The following RNGTT variants were observed in gnomAD, a reference collection of about 807,000 sequenced individuals.
RNGTT encodes the protein mRNA-capping enzyme.
Under a neutral mutation model 79.3 loss-of-function variants are expected in RNGTT, and 33 were observed. The ratio of observed to expected loss-of-function variants is 0.42; its 90% CI spans 0.32 to 0.56. The LOEUF (loss-of-function observed/expected upper bound fraction) is 0.56. RNGTT is among the 20% of genes least tolerant of loss of function. The pLI, the probability that RNGTT is intolerant of heterozygous loss-of-function variation, is 0.17. For synonymous variants in RNGTT, 222 were observed against 235.9 expected (o/e 0.94, Z 0.54); for missense variants, 497 against 739.1 (o/e 0.67, Z 3.80).
intron 14 of RNGTT, among the ~76,000 whole-genome samples, chr6:88,640,370 C>T (rs541184290): frequency 9.7e-5 from 14 of 143,938 alleles, no homozygotes; most frequent in Middle Eastern, 3.6e-3. Context: ...GGCAGCATAC[C>T]GAGACCCTGT....
chr6:88,868,846 A>G (rs1782263192), intron 8 of RNGTT, among the ~76,000 whole-genome samples: 1 of 152,206 alleles, frequency 6.6e-6, no homozygotes, highest in Non-Finnish European at 1.5e-5. Context: ...AGCAAGCACC[A>G]TCTTTTTCAT....
chr6:88,957,710 A>C (rs1333113205), intron 1 of RNGTT, among the ~76,000 whole-genome samples: 1 of 152,202 alleles, frequency 6.6e-6, no homozygotes, highest in Non-Finnish European at 1.5e-5. Context: ...ACTACAAAAC[A>C]CTACTGAAAT....
At chr6:88,870,501 C>G (rs1415262805) in intron 8 of RNGTT, among the ~76,000 whole-genome samples, 1 of 137,858 alleles carries the variant, frequency 7.3e-6, no homozygotes, top group South Asian at 2.3e-4. Context: ...GCTCCCAACA[C>G]AATTAAGAGC....
chr6:88,771,315 G>GTGTGTGTGTATA (rs1303688973), intron 12 of RNGTT, among the ~76,000 whole-genome samples: 105 of 62,030 alleles, frequency 1.7e-3, no homozygotes, highest in Non-Finnish European at 2.5e-3. Context: ...GTGTGTGTGT[G>GTGTGTGTGTATA]TATATATATA....
At chr6:88,918,928 A>G (rs1323377536) in intron 4 of RNGTT, among the ~76,000 whole-genome samples, 1 of 152,226 alleles carries the variant, frequency 6.6e-6, no homozygotes, top group Non-Finnish European at 1.5e-5. Flanking sequence ...AAATGTAATA[A>G]TAATTGCCAA....
At chr6:88,713,293 T>A (rs933298294) in intron 13 of RNGTT, among the ~76,000 whole-genome samples, 1 of 149,306 alleles carries the variant, frequency 6.7e-6, no homozygotes, top group East Asian at 1.9e-4. Flanking sequence ...AACCTGACCA[T>A]GCTGGCACCC....
chr6:88,918,982 C>T (rs2127949261), intron 4 of RNGTT, among the ~76,000 whole-genome samples: 1 of 152,216 alleles, frequency 6.6e-6, no homozygotes, highest in East Asian at 1.9e-4. Context: ...AGGAAAGTAC[C>T]ATTTTCCTTT....
At position 88,642,434 on chromosome 6, in the gene RNGTT, A is replaced by G. The variant is rs1707505965; in HGVS notation, c.1507-28039T>C. ...ACATAAATGCTTGCTTTAAAAAGCT[A>G]CAGGGAAAATACTTCATTAAATGAT... is the stretch of plus-strand genomic sequence containing the variant. On this transcript the variant is annotated intron_variant, in intron 14 of 15. Transcript: ENST00000369485. Among the ~76,000 whole-genome samples, 4 of 152,220 alleles carry G rather than the reference A, an allele frequency of 2.6e-5. No individual in the cohort carries two copies. In the South Asian group the frequency reaches 8.3e-4, roughly 31 times the overall value.
intron 10 of RNGTT, among the ~76,000 whole-genome samples, chr6:88,849,051 C>G (rs988828411): frequency 6.6e-6 from 1 of 151,926 alleles, no homozygotes. Context: ...GTAAAGGAGA[C>G]AGAACTTCCC....
At chr6:88,865,158 A>C (rs1287766733) in intron 8 of RNGTT, among the ~76,000 whole-genome samples, 2 of 152,114 alleles carry the variant, frequency 1.3e-5, no homozygotes, top group African/African-American at 2.4e-5. Flanking sequence ...AAAAGATACT[A>C]GAACAGTGAT....
rs796368449 is a variant in RNGTT at position 88,900,755 on chromosome 6, T to TAA, written c.684+3958_684+3959dup. Among the ~76,000 whole-genome samples the TAA allele has an allele frequency of 2.7e-3, 163 of 61,096 alleles. 4 individuals carry two copies. Among genetic ancestry groups the TAA allele is most frequent in the African/African-American group, 8.0e-3 (154 of 19,158 alleles). The allele number at this position is 61,096 out of a possible 152,430, so 40.1% of individuals were successfully genotyped here. On this transcript the variant is annotated intron_variant, in intron 6 of 15. Coordinates refer to ENST00000369485, the MANE Select transcript of RNGTT (RefSeq NM_003800.5). ...TCTCAAAAAAAATAAATAAAAAGAA[T>TAA]AAAAAAAAAAAACAAGAAAATATCC...
At chr6:88,883,309 T>C (rs902265458) in intron 8 of RNGTT, among the ~76,000 whole-genome samples, 4 of 152,064 alleles carry the variant, frequency 2.6e-5, no homozygotes, top group African/African-American at 9.7e-5. Context: ...TTAGAGATAC[T>C]AGGCCTTCCT....
chr6:88,695,746 C>T (rs1775639299), intron 13 of RNGTT, among the ~76,000 whole-genome samples: 1 of 152,074 alleles, frequency 6.6e-6, no homozygotes, highest in African/African-American at 2.4e-5. Flanking sequence ...ATGGAATCAA[C>T]CTAAATGTTC....
At chr6:88,820,465 T>C (rs1780461444) in intron 11 of RNGTT, among the ~76,000 whole-genome samples, 1 of 152,190 alleles carries the variant, frequency 6.6e-6, no homozygotes, top group South Asian at 2.1e-4. Context: ...AAGGTATAAA[T>C]ATTGGGAAGG....
At chr6:88,673,099 C>T (rs1774718969) in intron 14 of RNGTT, among the ~76,000 whole-genome samples, 1 of 152,098 alleles carries the variant, frequency 6.6e-6, no homozygotes, top group South Asian at 2.1e-4. Context: ...TGTAAAATAT[C>T]TCTAGCAAAC....
intron 14 of RNGTT, among the ~76,000 whole-genome samples, chr6:88,629,723 C>T (rs1194421822): frequency 1.3e-5 from 2 of 152,148 alleles, no homozygotes; most frequent in African/African-American, 2.4e-5. Context: ...GTGGTTACCA[C>T]TATTTTCTGG....
rs570078288 is a variant in RNGTT, at chr6:88,789,231, C to G, written c.1338+12333G>C. Among the ~76,000 whole-genome samples the G allele has an allele frequency of 3.3e-5, 5 of 152,196 alleles. No individual in the cohort carries two copies. The East Asian group carries it at 9.7e-4, about 29-fold the overall frequency. ...GGCCAGGAGCTCAAGACCAGCCTGG[C>G]CAACATGGGGAAACCCCATCGCTAC... On this transcript the variant is annotated intron_variant, in intron 12 of 15. Transcript: ENST00000369485.
At chr6:88,921,862 T>G (rs1476205080) in intron 4 of RNGTT, among the ~76,000 whole-genome samples, 1 of 152,112 alleles carries the variant, frequency 6.6e-6, no homozygotes, top group African/African-American at 2.4e-5. Context: ...GAACTTACAT[T>G]GTATTAGGTA....
At chr6:88,908,598 C>A (rs914365831) in intron 4 of RNGTT, among the ~76,000 whole-genome samples, 1 of 152,068 alleles carries the variant, frequency 6.6e-6, no homozygotes, top group Non-Finnish European at 1.5e-5. Context: ...AGTAAAGGAA[C>A]CCTGGGGCAC....
Sources: gnomAD v4.1 joint callset for allele counts (sites outside exome capture counted in the v4.1 genomes callset) on GRCh38, gnomAD v4.1.1 for gene constraint, MANE v1.5 for transcripts, NCBI Gene and HGNC (gene_info 2026-07-23, HGNC 2026-07-21) for gene names.